Variants in ZDHHC17 observed in about 807,000 individuals in gnomAD.
The protein encoded by ZDHHC17 is zDHHC palmitoyltransferase 17.
ZDHHC17 carries 40 observed loss-of-function variants against 90.3 expected under a neutral mutation model. That is an observed-to-expected ratio of 0.44 (90% CI 0.34 to 0.58). The LOEUF is 0.58. Among genes scored for constraint, ZDHHC17 ranks in the 20% least tolerant of loss-of-function variants. The pLI is 0.01. For missense variants in ZDHHC17, 614 were observed against 780.8 expected, an observed-to-expected ratio of 0.79 and a Z score of 2.55; for synonymous variants, 235 against 252.4, an observed-to-expected ratio of 0.93 and a Z score of 0.65.
chr12:76,807,656 G>A (rs181920476), intron 3 of ZDHHC17, among the ~76,000 whole-genome samples: 1 of 152,008 alleles, frequency 6.6e-6, no homozygotes. Flanking sequence ...CTCTCCTTGT[G>A]AAGAAAAAAA....
At chr12:76,813,434 T>A in intron 5 of ZDHHC17, 1 of 415,256 alleles carries the variant, frequency 2.4e-6, no homozygotes, top group Non-Finnish European at 4.8e-6. Context: ...CATAACATTC[T>A]ATGACAGTAT....
At chr12:76,824,044 T>G (rs999179120) in intron 8 of ZDHHC17, among the ~76,000 whole-genome samples, 1 of 152,140 alleles carries the variant, frequency 6.6e-6, no homozygotes, top group African/African-American at 2.4e-5. Flanking sequence ...ATTGGCACTT[T>G]CGTTTTGTTG....
At chr12:76,771,537 A>G (rs1952492951) in intron 1 of ZDHHC17, among the ~76,000 whole-genome samples, 1 of 152,154 alleles carries the variant, frequency 6.6e-6, no homozygotes, top group Admixed American at 6.5e-5. Context: ...TTTTTTGTGT[A>G]TATATGTCAG....
chr12:76,813,479 A>C, intron 5 of ZDHHC17: 1 of 337,068 alleles, frequency 3.0e-6, no homozygotes, highest in Non-Finnish European at 5.9e-6. Flanking sequence ...ACATCCAAGG[A>C]AATGCTTTAC....
intron 1 of ZDHHC17, among the ~76,000 whole-genome samples, chr12:76,797,024 G>C (rs1243960765): frequency 6.6e-6 from 1 of 152,092 alleles, no homozygotes; most frequent in Non-Finnish European, 1.5e-5. Flanking sequence ...CAGCACTTTG[G>C]GAGGCCAAGG....
At chr12:76,790,844 G>T (rs904545256) in intron 1 of ZDHHC17, among the ~76,000 whole-genome samples, 3 of 152,134 alleles carry the variant, frequency 2.0e-5, no homozygotes, top group Non-Finnish European at 4.4e-5. Context: ...GATAGTTAAA[G>T]GTTGGTTAAG....
Position 76,851,248 on chromosome 12 carries a change from T to C in ZDHHC17, c.*263T>C. On this transcript the variant is annotated 3_prime_UTR_variant, in exon 17 of 17. Transcript: ENST00000426126. The stretch of plus-strand genomic sequence containing the variant: ...GTGGAAATTCACAACATACTCAACT[T>C]TTGGGTTTTGTTCTCACAGTATTTT... 2.5e-6 allele frequency: 1 copy of C among 400,882 alleles called. No homozygotes were observed. Among genetic ancestry groups the C allele is most frequent in the South Asian group, 2.9e-5 (1 of 34,274 alleles). The allele number at this position is 400,882 out of a possible 1,614,324, so 24.8% of individuals were successfully genotyped here.
intron 7 of ZDHHC17, among the ~76,000 whole-genome samples, chr12:76,819,369 C>G (rs546128530): frequency 6.6e-6 from 1 of 152,130 alleles, no homozygotes; most frequent in East Asian, 1.9e-4. Flanking sequence ...TTATTTATAC[C>G]TATGCTTTTT....
At chr12:76,847,924 T>C (rs763552727) in intron 14 of ZDHHC17, among the ~76,000 whole-genome samples, 1 of 152,220 alleles carries the variant, frequency 6.6e-6, no homozygotes, top group Non-Finnish European at 1.5e-5. Flanking sequence ...CTCTTTCATA[T>C]ATCCTCTCAT....
intron 1 of ZDHHC17, among the ~76,000 whole-genome samples, chr12:76,791,033 T>TG (rs1283097656): frequency 6.6e-6 from 1 of 152,212 alleles, no homozygotes; most frequent in Admixed American, 6.5e-5. Flanking sequence ...TTTTGGTCAT[T>TG]GTACATTGTA....
chr12:76,828,555 A>T, intron 10 of ZDHHC17, 65 bp downstream of exon 10: 2 of 1,407,340 alleles, frequency 1.4e-6, no homozygotes, highest in Non-Finnish European at 2.0e-6. Context: ...TAGATGTTTA[A>T]TAATTTGACA....
At chr12:76,796,606 T>C (rs191916160) in intron 1 of ZDHHC17, among the ~76,000 whole-genome samples, 37 of 152,322 alleles carry the variant, frequency 2.4e-4, no homozygotes, top group Non-Finnish European at 5.0e-4. Context: ...TCAGCACTGC[T>C]GTATTCCTTA....
intron 2 of ZDHHC17, among the ~76,000 whole-genome samples, chr12:76,800,200 A>G (rs1963574899): frequency 6.6e-6 from 1 of 152,206 alleles, no homozygotes; most frequent in Admixed American, 6.5e-5. Context: ...ACAAAACCCC[A>G]AAGTTTGTGT....
chr12:76,808,293 C>G (rs1662413552), intron 3 of ZDHHC17, among the ~76,000 whole-genome samples: 1 of 152,138 alleles, frequency 6.6e-6, no homozygotes, highest in Admixed American at 6.5e-5. Context: ...CCAAAGAAAG[C>G]ATTATAATGA....
At chr12:76,804,763 C>T (rs1259078883) in intron 2 of ZDHHC17, among the ~76,000 whole-genome samples, 1 of 152,162 alleles carries the variant, frequency 6.6e-6, no homozygotes. Flanking sequence ...GATAAATTGC[C>T]TGCTGTAGCT....
chr12:76,801,135 C>T (rs1160484520), intron 2 of ZDHHC17, among the ~76,000 whole-genome samples: 2 of 151,180 alleles, frequency 1.3e-5, no homozygotes, highest in Non-Finnish European at 2.9e-5. Flanking sequence ...ATCCACCCTC[C>T]TCGGCCTCCC....
intron 1 of ZDHHC17, among the ~76,000 whole-genome samples, chr12:76,780,235 C>T (rs946493901): frequency 5.9e-5 from 9 of 152,080 alleles, no homozygotes; most frequent in Admixed American, 1.3e-4. Context: ...ACAGTTTTTA[C>T]CATATTAAAA....
At chr12:76,845,597 G>A (rs993222209) in intron 12 of ZDHHC17, 112 bp from the exon 13 acceptor site, 2 of 430,114 alleles carry the variant, frequency 4.6e-6, no homozygotes. Context: ...ATATAATCTT[G>A]TTTAAAAAAT....
At chr12:76,773,466 A>G (rs1404833945) in intron 1 of ZDHHC17, among the ~76,000 whole-genome samples, 1 of 152,204 alleles carries the variant, frequency 6.6e-6, no homozygotes, top group Admixed American at 6.5e-5. Context: ...GGGTGTATCA[A>G]ATCCATTCAC....
Sources: allele counts gnomAD v4.1 joint callset (sites outside exome capture counted in the v4.1 genomes callset), GRCh38; gene constraint gnomAD v4.1.1; transcripts MANE v1.5; gene names NCBI Gene and HGNC (gene_info 2026-07-23, HGNC 2026-07-21).